The following GPC5 variants were observed in gnomAD, a reference collection of about 807,000 sequenced individuals.
The protein encoded by GPC5 is glypican 5, also known as glypican-5.
GPC5 carries 47 observed loss-of-function variants against 53.9 expected under a neutral mutation model. The observed-to-expected ratio is 0.87, with a 90% CI of 0.69 to 1.11. The LOEUF is 1.11. GPC5 is among the 50% of genes most tolerant of loss of function. GPC5 has a pLI of 0.00. For synonymous variants in GPC5, 286 were observed against 263.3 expected, an observed-to-expected ratio of 1.09 and a Z score of -0.84; for missense variants, 748 against 713.1, an observed-to-expected ratio of 1.05 and a Z score of -0.56.
At position 92,217,492 on chromosome 13, in the gene GPC5, C is replaced by T. The variant is rs375136110; in HGVS notation, c.1561+72503C>T. Among the ~76,000 whole-genome samples the T allele has an allele frequency of 8.5e-5, 13 of 152,144 alleles. No homozygotes were observed. The East Asian group carries it at 1.9e-3, about 23-fold the overall frequency. On this transcript the variant is annotated intron_variant, in intron 7 of 7. Transcript: ENST00000377067. ...TGTCAGATTGGTTTAGCCAGAATCC[C>T]CCTTACTCCTGATATTTTCTGCTAG...
At chr13:92,099,694 C>T (rs541137417) in intron 6 of GPC5, among the ~76,000 whole-genome samples, 1 of 152,256 alleles carries the variant, frequency 6.6e-6, no homozygotes, top group African/African-American at 2.4e-5. Context: ...CTGAATTAAG[C>T]TGCTTTTCCC....
intron 6 of GPC5, among the ~76,000 whole-genome samples, chr13:92,003,418 C>T (rs1289186308): frequency 6.7e-6 from 1 of 149,786 alleles, no homozygotes; most frequent in East Asian, 2.0e-4. Flanking sequence ...TGCTCCAATC[C>T]ATAGAACATC....
intron 3 of GPC5, among the ~76,000 whole-genome samples, chr13:91,719,713 T>C (rs1410469189): frequency 6.6e-6 from 1 of 152,150 alleles, no homozygotes; most frequent in African/African-American, 2.4e-5. Context: ...TAAAAAGGGG[T>C]GATGGACTTA....
intron 7 of GPC5, among the ~76,000 whole-genome samples, chr13:92,752,144 C>T (rs1889420404): frequency 6.6e-6 from 1 of 151,432 alleles, no homozygotes; most frequent in Non-Finnish European, 1.5e-5. Flanking sequence ...GAAACAAATA[C>T]GTGGAGTGTG....
At chr13:92,858,471 C>G (rs562195879) in intron 7 of GPC5, among the ~76,000 whole-genome samples, 1 of 152,202 alleles carries the variant, frequency 6.6e-6, no homozygotes, top group African/African-American at 2.4e-5. Flanking sequence ...ATACAGACAC[C>G]ATGCAGCTAT....
intron 5 of GPC5, among the ~76,000 whole-genome samples, chr13:91,903,057 C>T (rs1165221854): frequency 6.6e-6 from 1 of 150,924 alleles, no homozygotes; most frequent in Non-Finnish European, 1.5e-5. Context: ...AAACTTAGCA[C>T]TTCTGTGTAT....
chr13:91,572,010 TATATG>T (rs2031882961), intron 2 of GPC5, among the ~76,000 whole-genome samples: 1 of 142,144 alleles, frequency 7.0e-6, no homozygotes, highest in Non-Finnish European at 1.5e-5. Flanking sequence ...TATATATGCA[TATATG>T]CATATACGTG....
At chr13:91,508,931 G>T (rs1018762408) in intron 2 of GPC5, among the ~76,000 whole-genome samples, 2 of 152,132 alleles carry the variant, frequency 1.3e-5, no homozygotes, top group African/African-American at 4.8e-5. Flanking sequence ...AGCAGAGCTC[G>T]AGTTAGCCCT....
intron 4 of GPC5, among the ~76,000 whole-genome samples, chr13:91,733,051 TGTGAAG>T (rs2036736194): frequency 6.6e-6 from 1 of 152,224 alleles, no homozygotes; most frequent in Non-Finnish European, 1.5e-5. Context: ...TTTCTAATTC[TGTGAAG>T]AATGTCAATG....
At chr13:92,276,822 T>C (rs1308007197) in intron 7 of GPC5, among the ~76,000 whole-genome samples, 1 of 152,112 alleles carries the variant, frequency 6.6e-6, no homozygotes, top group African/African-American at 2.4e-5. Context: ...TTAATATCTT[T>C]CCTCAGTGGA....
chr13:92,000,799 C>A (rs1006878847), intron 6 of GPC5, among the ~76,000 whole-genome samples: 2 of 152,210 alleles, frequency 1.3e-5, no homozygotes, highest in South Asian at 2.1e-4. Context: ...AGGAACCATA[C>A]CTTTTATAAT....
chr13:92,392,544 T>C (rs1875054924), intron 7 of GPC5, among the ~76,000 whole-genome samples: 1 of 151,902 alleles, frequency 6.6e-6, no homozygotes. Context: ...AAAGCAGAAA[T>C]TGACAAGTGG....
At chr13:92,149,290 T>A (rs1378047626) in intron 7 of GPC5, among the ~76,000 whole-genome samples, 1 of 152,068 alleles carries the variant, frequency 6.6e-6, no homozygotes, top group Non-Finnish European at 1.5e-5. Flanking sequence ...ATGAAAATAA[T>A]AAGGTTCCCT....
At position 92,163,909 on chromosome 13, in the gene GPC5, C is replaced by A. The variant is rs551398928; in HGVS notation, c.1561+18920C>A. Among the ~76,000 whole-genome samples the A allele has an allele frequency of 3.3e-5, 5 of 152,228 alleles. No individual in the cohort carries two copies. The South Asian group carries it at 6.2e-4, about 19-fold the overall frequency. ...GGCTAGAGAGGCTTCAGGAAACTTA[C>A]AATCATGGCAGAAGGCACATCTTCA... On this transcript the variant is annotated intron_variant, in intron 7 of 7. Coordinates refer to ENST00000377067, the MANE Select transcript of GPC5 (RefSeq NM_004466.6).
intron 4 of GPC5, among the ~76,000 whole-genome samples, chr13:91,734,858 A>C (rs2036780510): frequency 6.7e-6 from 1 of 149,392 alleles, no homozygotes; most frequent in Admixed American, 6.7e-5. Flanking sequence ...TAGTTTTTGA[A>C]AAATGCATTA....
intron 5 of GPC5, among the ~76,000 whole-genome samples, chr13:91,897,368 T>TGTGTGTGCGC (rs1555295196): frequency 6.7e-6 from 1 of 149,424 alleles, no homozygotes; most frequent in African/African-American, 2.5e-5. Context: ...TGTGTGTGTG[T>TGTGTGTGCGC]GCGCCTGTGC....
At chr13:91,616,782 G>C (rs149308882) in intron 2 of GPC5, among the ~76,000 whole-genome samples, 45 of 152,092 alleles carry the variant, frequency 3.0e-4, no homozygotes, top group African/African-American at 9.6e-4. Flanking sequence ...TAGAACATTA[G>C]TATTATGATT....
At chr13:91,693,924 C>A in intron 3 of GPC5, 43 bp downstream of exon 3, 1 of 1,396,694 alleles carries the variant, frequency 7.2e-7, no homozygotes, top group South Asian at 1.3e-5. Flanking sequence ...TCTTGTAATT[C>A]AAATATTAGC....
chr13:92,803,862 ACACTT>A (rs1877000049), intron 7 of GPC5, among the ~76,000 whole-genome samples: 1 of 151,940 alleles, frequency 6.6e-6, no homozygotes, highest in Non-Finnish European at 1.5e-5. Context: ...TGGAGACATC[ACACTT>A]CACTTCTCCC....
Sources: gnomAD v4.1 joint callset for allele counts (sites outside exome capture counted in the v4.1 genomes callset) on GRCh38, gnomAD v4.1.1 for gene constraint, MANE v1.5 for transcripts, NCBI Gene and HGNC (gene_info 2026-07-23, HGNC 2026-07-21) for gene names.